Variants in COL12A1 observed in about 807,000 individuals in gnomAD.
COL12A1 encodes the protein collagen type XII alpha 1 chain, also known as collagen alpha-1(XII) chain.
In COL12A1, 114 loss-of-function variants were observed where a neutral mutation model predicts 349.7. That is an observed-to-expected ratio of 0.33 (90% CI 0.28 to 0.38). The LOEUF (loss-of-function observed/expected upper bound fraction) is 0.38. Ranked by LOEUF, COL12A1 falls within the 10% of genes least tolerant of loss-of-function variation. The probability of loss-of-function intolerance (pLI) is 1.00; values close to 1 mark genes in which losing one functional copy is unlikely to be tolerated. For synonymous variants in COL12A1, 1,369 were observed against 1,329.0 expected, an observed-to-expected ratio of 1.03 and a Z score of -0.66; for missense variants, 3,284 against 3,756.9, an observed-to-expected ratio of 0.87 and a Z score of 3.29.
chr6:75,190,654 A>T (rs1769881057), intron 5 of COL12A1, among the ~76,000 whole-genome samples: 1 of 151,882 alleles, frequency 6.6e-6, no homozygotes, highest in African/African-American at 2.4e-5. Context: ...TGTATTTGTA[A>T]TGCAATACCA....
chr6:75,164,958 A>T (rs1768212883), intron 14 of COL12A1, among the ~76,000 whole-genome samples: 1 of 152,150 alleles, frequency 6.6e-6, no homozygotes, highest in South Asian at 2.1e-4. Flanking sequence ...TAAATAAAAA[A>T]TTAAAAAACT....
chr6:75,188,613 T>C, intron 7 of COL12A1, 78 bp from the exon 8 acceptor site: 2 of 1,470,954 alleles, frequency 1.4e-6, no homozygotes, highest in Non-Finnish European at 1.9e-6. Context: ...GTTTTCTCCA[T>C]CTTTCACAAC....
chr6:75,159,334 T>C (rs1231546630), intron 14 of COL12A1, among the ~76,000 whole-genome samples: 4 of 149,876 alleles, frequency 2.7e-5, no homozygotes, highest in Admixed American at 2.7e-4. Flanking sequence ...TCTGGAAATA[T>C]TAAAATTTAT....
intron 31 of COL12A1, among the ~76,000 whole-genome samples, 187 bp downstream of exon 31, chr6:75,137,250 T>C (rs924901375): frequency 2.6e-5 from 4 of 152,086 alleles, no homozygotes; most frequent in African/African-American, 9.7e-5. Flanking sequence ...CATGAGAACA[T>C]CCATTGAGTC....
intron 14 of COL12A1, among the ~76,000 whole-genome samples, chr6:75,163,325 T>G (rs1768115652): frequency 6.6e-6 from 1 of 152,178 alleles, no homozygotes; most frequent in Non-Finnish European, 1.5e-5. Flanking sequence ...TGGAATACTA[T>G]GCAGCCATAT....
In COL12A1 at chr6:75,086,566, G is replaced by A; in HGVS notation, c.9182-9C>T. 1 of 1,597,792 alleles carries A rather than the reference G, an allele frequency of 6.3e-7. No individual in the cohort carries two copies. Among genetic ancestry groups the A allele is most frequent in the South Asian group, 1.1e-5 (1 of 89,790 alleles). On this transcript the variant is annotated splice_polypyrimidine_tract_variant and intron_variant, in intron 65 of 65. Transcript: ENST00000322507. Reference sequence around the variant, plus strand: ...AATGTGTTAGCCGGAACCTGAAACAGGTCAAAGATGATAGTTTTTAAAAGT... The same window carrying A: ...AATGTGTTAGCCGGAACCTGAAACAAGTCAAAGATGATAGTTTTTAAAAGT...
intron 4 of COL12A1, among the ~76,000 whole-genome samples, 193 bp from the exon 5 acceptor site, chr6:75,191,953 CA>C (rs533469030): frequency 2.4e-3 from 358 of 151,928 alleles, no homozygotes; most frequent in Non-Finnish European, 3.9e-3. Context: ...TGAGATATTT[CA>C]AAAAGATATT....
intron 56 of COL12A1, 85 bp downstream of exon 56, chr6:75,102,512 T>G: frequency 9.0e-7 from 1 of 1,110,030 alleles, no homozygotes; most frequent in African/African-American, 1.6e-5. Context: ...GAGAAAACAT[T>G]TGATTTGGCA....
intron 52 of COL12A1, among the ~76,000 whole-genome samples, chr6:75,106,790 G>A (rs1312027072): frequency 6.6e-6 from 1 of 151,872 alleles, no homozygotes; most frequent in Non-Finnish European, 1.5e-5. Context: ...AAAGGTGTAT[G>A]TGAGATTCCC....
Position 75,128,276 on chromosome 6 carries a change from G to A in COL12A1, c.6340+20C>T. 6.4e-7 allele frequency: 1 copy of A among 1,557,272 alleles called. No homozygotes were observed. Among genetic ancestry groups the A allele is most frequent in the Non-Finnish European group, 8.7e-7 (1 of 1,155,184 alleles). On this transcript the variant is annotated intron_variant, in intron 38 of 65. Transcript: ENST00000322507. ...GACAATTTCAAAGCAAAAATAAAAG[G>A]GGGAGTACAAAACACTTACCAGTTC... is the stretch of plus-strand genomic sequence containing the variant.
rs56333731 is a variant in COL12A1, at chr6:75,102,727, A to G, written c.8320-35T>C. 8.2e-4 allele frequency: 1,115 copies of G among 1,362,996 alleles called. 12 individuals are homozygous for G. In the African/African-American group the frequency reaches 0.015, roughly 18 times the overall value. 84.4% of individuals were successfully genotyped at this position (1,362,996 alleles called of 1,614,324 possible). A position where few individuals can be genotyped will look rare whatever the true frequency, so the allele number is the denominator to read the frequency against. ...ACAAGAGAGAGACAACCACAAAGTA[A>G]TGTAATACCTTTTCAGTGCTGACAT... On this transcript the variant is annotated intron_variant, in intron 55 of 65. Coordinates refer to ENST00000322507, the MANE Select transcript of COL12A1 (RefSeq NM_004370.6).
intron 14 of COL12A1, among the ~76,000 whole-genome samples, chr6:75,159,790 C>T (rs984365832): frequency 8.6e-5 from 13 of 150,734 alleles, no homozygotes; most frequent in African/African-American, 2.9e-4. Context: ...TAAAAAGAAA[C>T]TTAAGTTTCA....
chr6:75,187,172 A>T (rs1769670237), intron 8 of COL12A1, among the ~76,000 whole-genome samples: 1 of 149,200 alleles, frequency 6.7e-6, no homozygotes, highest in East Asian at 1.9e-4. Flanking sequence ...ATATATATAT[A>T]TATATTTAAA....
At position 75,134,752 on chromosome 6, in the gene COL12A1, C is replaced by A; in HGVS notation, c.5498G>T (p.Gly1833Val). 6.2e-7 allele frequency: 1 copy of A among 1,608,066 alleles called. No individual in the cohort carries two copies. The highest frequency in any genetic ancestry group is 2.2e-5 in the East Asian group (1 of 44,848). Residue 1833 changes from glycine to valine, a missense_variant, in exon 32 of 66, where the codon GGT becomes GTT. Gly to Val is a moderately radical substitution (Grantham distance 109). This residue lies in a region of COL12A1 where 2,601 missense variants were observed against 2,824.8 expected (regional missense o/e 0.92). Transcript: ENST00000322507. The stretch of plus-strand genomic sequence containing the variant: ...GGTCTTGCCTCTTCCCGTCATCCGA[C>A]CTCCTTCACCATCAGGATACAGAGA... Reference protein sequence around the residue: ...VSSLYPDGEGGRMTGRGKTKP... With the variant: ...VSSLYPDGEGVRMTGRGKTKP...
chr6:75,148,749 C>T (rs1210610271), intron 21 of COL12A1, among the ~76,000 whole-genome samples: 1 of 152,094 alleles, frequency 6.6e-6, no homozygotes. Flanking sequence ...AAAACCTGAT[C>T]CTCCTCTTCC....
chr6:75,199,254 CA>C (rs1370099935), intron 2 of COL12A1, among the ~76,000 whole-genome samples: 2 of 152,040 alleles, frequency 1.3e-5, no homozygotes, highest in African/African-American at 4.8e-5. Context: ...ATTAGTTGAC[CA>C]AGTGATTCAG....
chr6:75,130,319 A>C, intron 36 of COL12A1, 86 bp from the exon 37 acceptor site: 1 of 1,283,818 alleles, frequency 7.8e-7, no homozygotes, highest in East Asian at 2.3e-5. Context: ...CATGTGTTTC[A>C]TTCACCATTC....
At chr6:75,126,759 A>G (rs1342716735) in intron 38 of COL12A1, among the ~76,000 whole-genome samples, 5 of 152,174 alleles carry the variant, frequency 3.3e-5, no homozygotes, top group Admixed American at 3.3e-4. Flanking sequence ...AGGATTATAG[A>G]AAATAAAAGA....
chr6:75,093,155 C>T (rs572119793), intron 60 of COL12A1, among the ~76,000 whole-genome samples: 3 of 152,260 alleles, frequency 2.0e-5, no homozygotes, highest in Admixed American at 1.3e-4. Context: ...CTCATTATCA[C>T]GGGAACCTAT....
Sources: gnomAD v4.1 joint callset for allele counts (sites outside exome capture counted in the v4.1 genomes callset) on GRCh38, gnomAD v4.1.1 for gene constraint, gnomAD v4.1.1 regional missense constraint, MANE v1.5 for transcripts, NCBI Gene and HGNC (gene_info 2026-07-23, HGNC 2026-07-21) for gene names.